Variants in FNIP1 observed in about 807,000 individuals in gnomAD.
The protein encoded by FNIP1 is folliculin interacting protein 1, also known as folliculin-interacting protein 1.
In FNIP1, 40 loss-of-function variants were observed where a neutral mutation model predicts 124.5. That is an observed-to-expected ratio of 0.32 (90% CI 0.25 to 0.42). The LOEUF (loss-of-function observed/expected upper bound fraction) is 0.42. Ranked by LOEUF, FNIP1 falls within the 10% of genes least tolerant of loss-of-function variation. The pLI, the probability that FNIP1 is intolerant of heterozygous loss-of-function variation, is 1.00. For missense variants in FNIP1, 1,176 were observed against 1,403.7 expected, an observed-to-expected ratio of 0.84 and a Z score of 2.59; for synonymous variants, 472 against 470.6, an observed-to-expected ratio of 1.00 and a Z score of -0.04.
intron 11 of FNIP1, among the ~76,000 whole-genome samples, chr5:131,681,964 G>A (rs762742914): frequency 3.3e-5 from 5 of 152,050 alleles, no homozygotes; most frequent in Non-Finnish European, 7.4e-5. Context: ...GCAACATTTC[G>A]TATACTTTTT....
At chr5:131,768,031 C>T (rs996714684) in intron 1 of FNIP1, among the ~76,000 whole-genome samples, 1 of 152,044 alleles carries the variant, frequency 6.6e-6, no homozygotes, top group African/African-American at 2.4e-5. Flanking sequence ...GGATAGTCAG[C>T]TGCTTGGCCA....
rs1011724 is a variant in FNIP1 at position 131,721,139 on chromosome 5, C to T, written c.355-1722G>A. ...TATAATAAATACATAGAATGAAACA[C>T]TATTCAGTTTTCAAAAAGAAGAAAA... On this transcript the variant is annotated intron_variant, in intron 3 of 17. Transcript: ENST00000510461. Among the ~76,000 whole-genome samples the T allele has an allele frequency of 4.8e-3, 724 of 152,246 alleles. 5 individuals are homozygous for T. The highest frequency in any genetic ancestry group is 6.8e-3 in the Middle Eastern group (2 of 292).
At chr5:131,779,141 T>C (rs1383280730) in intron 1 of FNIP1, among the ~76,000 whole-genome samples, 5 of 138,542 alleles carry the variant, frequency 3.6e-5, no homozygotes, top group African/African-American at 5.4e-5. Context: ...AAACTTAAAG[T>C]ATAATTAAAA....
intron 16 of FNIP1, among the ~76,000 whole-genome samples, chr5:131,648,322 A>C (rs1766951360): frequency 6.6e-6 from 1 of 152,116 alleles, no homozygotes; most frequent in African/African-American, 2.4e-5. Context: ...AAAAAAAAAA[A>C]ACCTGAAACA....
intron 1 of FNIP1, among the ~76,000 whole-genome samples, chr5:131,763,791 C>T (rs1024669724): frequency 2.6e-5 from 4 of 152,166 alleles, no homozygotes; most frequent in Non-Finnish European, 4.4e-5. Context: ...CTTCAGTTGA[C>T]TTTTCCATTA....
At position 131,744,640 on chromosome 5, in the gene FNIP1, T is replaced by G; in HGVS notation, c.143A>C (p.Gln48Pro). 1 of 1,612,206 alleles carries G rather than the reference T, an allele frequency of 6.2e-7. No individual in the cohort carries two copies. ...DPSQIRLIVY[Q>P]DCERRGRNVL... Reference sequence around the variant, plus strand: ...ATTTCTCCCTCGTCTTTCACAGTCTTGATATACAATCAGTCGAATCTGGCT... The same window carrying G: ...ATTTCTCCCTCGTCTTTCACAGTCTGGATATACAATCAGTCGAATCTGGCT... Residue 48 changes from glutamine to proline, a missense_variant, in exon 2 of 18, where the codon CAA (glutamine) becomes CCA (proline). Around this residue, in one of 2 missense-constraint regions of FNIP1, gnomAD observed 1,109 missense variants for 1,288.5 expected, o/e 0.86. Transcript: ENST00000510461.
intron 5 of FNIP1, 27 bp from the exon 6 acceptor site, chr5:131,716,683 T>C: frequency 1.4e-6 from 2 of 1,414,338 alleles, no homozygotes; most frequent in South Asian, 2.6e-5. Flanking sequence ...GAAAATTAAT[T>C]CCAAATTCAT....
At chr5:131,659,942 G>T (rs1413972637) in intron 15 of FNIP1, among the ~76,000 whole-genome samples, 1 of 152,172 alleles carries the variant, frequency 6.6e-6, no homozygotes, top group African/African-American at 2.4e-5. Flanking sequence ...CTCTTGCTCT[G>T]GGCCTTGTTG....
chr5:131,718,418 ATC>A (rs1391050347), intron 5 of FNIP1, among the ~76,000 whole-genome samples: 1 of 151,934 alleles, frequency 6.6e-6, no homozygotes, highest in East Asian at 1.9e-4. Flanking sequence ...CACCTGCAAA[ATC>A]TCTCTCTGGG....
At chr5:131,796,494 TCTA>T (rs1772599540) in intron 1 of FNIP1, 2 of 330,196 alleles carry the variant, frequency 6.1e-6, no homozygotes, top group East Asian at 1.2e-4. Context: ...CGCGCCCAAC[TCTA>T]CTCGGTGCCA....
In FNIP1 at chr5:131,711,185, A is replaced by G. The variant is rs191332675; in HGVS notation, c.623-524T>C. 1.6e-3 allele frequency among the ~76,000 whole-genome samples: 247 copies of G among 152,352 alleles called. 1 individual carries two copies. The highest frequency in any genetic ancestry group is 5.1e-3 in the African/African-American group (212 of 41,576). Reference sequence around the variant, plus strand: ...AATTAAAAATTGGTTTTTCTAACCCAGTTGTAAGTTACAAAGTAATGGAAG... The same window carrying G: ...AATTAAAAATTGGTTTTTCTAACCCGGTTGTAAGTTACAAAGTAATGGAAG... On this transcript the variant is annotated intron_variant, in intron 6 of 17. Transcript: ENST00000510461.
chr5:131,773,163 G>GCTA (rs1209105039), intron 1 of FNIP1, among the ~76,000 whole-genome samples: 1 of 152,018 alleles, frequency 6.6e-6, no homozygotes, highest in Non-Finnish European at 1.5e-5. Context: ...ACAGCTCAAT[G>GCTA]CTACCTCTTC....
At chr5:131,757,745 AG>A (rs1241184577) in intron 1 of FNIP1, among the ~76,000 whole-genome samples, 1 of 152,166 alleles carries the variant, frequency 6.6e-6, no homozygotes, top group Non-Finnish European at 1.5e-5. Context: ...GGGGGAGGGA[AG>A]GATGGAGTAA....
chr5:131,729,541 C>T (rs923464266), intron 3 of FNIP1, among the ~76,000 whole-genome samples: 3 of 152,154 alleles, frequency 2.0e-5, no homozygotes, highest in Admixed American at 6.5e-5. Flanking sequence ...AGCTACAGAC[C>T]GAAGCTGTTC....
rs200744378 is a variant in FNIP1 at position 131,744,808 on chromosome 5, A to AAT, written c.93-120_93-119dup. 958 of 695,280 alleles carry AAT rather than the reference A, an allele frequency of 1.4e-3. 5 individuals carry two copies. The African/African-American group carries it at 0.016, about 12-fold the overall frequency. The allele number at this position is 695,280 out of a possible 1,614,324, so 43.1% of individuals were successfully genotyped here. ...GCCCAAAATTATCTTATTGTTAAAT[A>AAT]ATATATATATCTTTATATTAAATAT... On this transcript the variant is annotated intron_variant, in intron 1 of 17. Transcript: ENST00000510461.
intron 11 of FNIP1, among the ~76,000 whole-genome samples, chr5:131,686,835 G>A (rs932482769): frequency 1.3e-4 from 19 of 151,790 alleles, no homozygotes; most frequent in Non-Finnish European, 2.6e-4. Context: ...AAAGTGCTGC[G>A]ATTACAGGCA....
intron 11 of FNIP1, among the ~76,000 whole-genome samples, chr5:131,681,235 T>C (rs889563022): frequency 6.6e-6 from 1 of 152,076 alleles, no homozygotes; most frequent in South Asian, 2.1e-4. Flanking sequence ...CTTCATGGGA[T>C]TGTGGGGGGC....
intron 1 of FNIP1, among the ~76,000 whole-genome samples, chr5:131,771,018 A>G (rs1465310100): frequency 6.6e-6 from 1 of 152,168 alleles, no homozygotes; most frequent in Non-Finnish European, 1.5e-5. Context: ...TACATGTGCC[A>G]TGCTAGTGCG....
intron 1 of FNIP1, among the ~76,000 whole-genome samples, chr5:131,763,823 C>A (rs1293533037): frequency 6.6e-6 from 1 of 152,176 alleles, no homozygotes; most frequent in Non-Finnish European, 1.5e-5. Context: ...TCAATTGAAA[C>A]AACTGCGAGC....
Sources: gnomAD v4.1 joint callset for allele counts (sites outside exome capture counted in the v4.1 genomes callset) on GRCh38, gnomAD v4.1.1 for gene constraint, gnomAD v4.1.1 regional missense constraint, MANE v1.5 for transcripts, NCBI Gene and HGNC (gene_info 2026-07-23, HGNC 2026-07-21) for gene names.